Variants in MAP4K4 observed in about 807,000 individuals in gnomAD.
MAP4K4 encodes HPK/GCK-like kinase HGK.
MAP4K4 carries 38 observed loss-of-function variants against 189.6 expected under a neutral mutation model. The ratio of observed to expected loss-of-function variants is 0.20; its 90% CI spans 0.15 to 0.26. The LOEUF is 0.26. Ranked by LOEUF, MAP4K4 falls within the 10% of genes least tolerant of loss-of-function variation. The probability of loss-of-function intolerance (pLI) is 1.00; values close to 1 mark genes in which losing one functional copy is unlikely to be tolerated. For missense variants in MAP4K4, 1,054 were observed against 1,726.9 expected (o/e 0.61, Z 6.91); for synonymous variants, 610 against 624.3 (o/e 0.98, Z 0.34).
intron 3 of MAP4K4, among the ~76,000 whole-genome samples, chr2:101,811,250 AGTCCCAGCTACTCGG>A (rs1248843546): frequency 6.6e-6 from 1 of 151,246 alleles, no homozygotes; most frequent in African/African-American, 2.4e-5. Flanking sequence ...GGGTGCCTGT[AGTCCCAGCTACTCGG>A]GAAGCTGAGG....
chr2:101,885,710 TCTG>T (rs2150284269), intron 29 of MAP4K4, among the ~76,000 whole-genome samples: 1 of 152,334 alleles, frequency 6.6e-6, no homozygotes, highest in African/African-American at 2.4e-5. Context: ...TTACAGAAAT[TCTG>T]ATGACAACAT....
intron 3 of MAP4K4, among the ~76,000 whole-genome samples, chr2:101,814,438 G>A (rs923949774): frequency 2.0e-5 from 3 of 152,176 alleles, no homozygotes; most frequent in Non-Finnish European, 2.9e-5. Flanking sequence ...ACTTCTCCAG[G>A]CATGTGAGCT....
chr2:101,730,137 G>A (rs763697266), intron 2 of MAP4K4, among the ~76,000 whole-genome samples: 23 of 152,140 alleles, frequency 1.5e-4, no homozygotes, highest in Non-Finnish European at 2.9e-4. Flanking sequence ...ATTCTGCTTC[G>A]TTCATGTACT....
At position 101,787,830 on chromosome 2, in the gene MAP4K4, G is replaced by A. The variant is rs185991061; in HGVS notation, c.124-2890G>A. Among the ~76,000 whole-genome samples the A allele has an allele frequency of 6.1e-3, 838 of 138,508 alleles. 12 individuals are homozygous for A. Among genetic ancestry groups the A allele is most frequent in the Admixed American group, 0.016 (219 of 13,470 alleles). 90.9% of individuals were successfully genotyped at this position (138,508 alleles called of 152,430 possible). ...TTTTTTTTTTTTTTTTTGAGACAGA[G>A]TCTCGCTCTGTCACCCAGGCTGGAG... On this transcript the variant is annotated intron_variant, in intron 2 of 32. Transcript: ENST00000324219.
At chr2:101,811,370 CAAA>C (rs71378177) in intron 3 of MAP4K4, among the ~76,000 whole-genome samples, 35 of 68,906 alleles carry the variant, frequency 5.1e-4, no homozygotes, top group Admixed American at 1.7e-3. Flanking sequence ...GACTGCGTCT[CAAA>C]AAAAAAAAAA....
At chr2:101,737,555 T>C (rs1330166330) in intron 2 of MAP4K4, among the ~76,000 whole-genome samples, 1 of 142,478 alleles carries the variant, frequency 7.0e-6, no homozygotes, top group Non-Finnish European at 1.5e-5. Flanking sequence ...CGTATTAATA[T>C]CAGGAAAAGA....
At chr2:101,808,590 A>T (rs1432703090) in intron 3 of MAP4K4, among the ~76,000 whole-genome samples, 1 of 133,832 alleles carries the variant, frequency 7.5e-6, no homozygotes, top group Non-Finnish European at 1.6e-5. Flanking sequence ...GAATTTTATG[A>T]TTTATAAATT....
chr2:101,724,023 C>T (rs1031704936), intron 2 of MAP4K4, among the ~76,000 whole-genome samples: 3 of 152,170 alleles, frequency 2.0e-5, no homozygotes, highest in Non-Finnish European at 4.4e-5. Context: ...TAGTGAAAAC[C>T]TCAATCATGT....
At chr2:101,788,199 T>C (rs2092042440) in intron 2 of MAP4K4, among the ~76,000 whole-genome samples, 1 of 151,766 alleles carries the variant, frequency 6.6e-6, no homozygotes, top group Non-Finnish European at 1.5e-5. Context: ...TGGGCCTACA[T>C]TGACTACATT....
intron 2 of MAP4K4, among the ~76,000 whole-genome samples, chr2:101,703,811 A>C (rs193299571): frequency 6.6e-6 from 1 of 151,900 alleles, no homozygotes; most frequent in African/African-American, 2.4e-5. Context: ...CAGGAGTTCA[A>C]GACCAGCCTG....
At chr2:101,873,878 A>C (rs1158412357) in intron 25 of MAP4K4, 114 bp downstream of exon 25, 1 of 832,794 alleles carries the variant, frequency 1.2e-6, no homozygotes, top group African/African-American at 1.7e-5. Flanking sequence ...TCGGGTACAG[A>C]AACTTCCCAT....
At chr2:101,773,750 C>T (rs185379062) in intron 2 of MAP4K4, among the ~76,000 whole-genome samples, 177 of 152,290 alleles carry the variant, frequency 1.2e-3, no homozygotes, top group Non-Finnish European at 6.2e-4. Context: ...CTTACCTTCC[C>T]AGCCTCTGGT....
chr2:101,773,195 A>G (rs993774268), intron 2 of MAP4K4, among the ~76,000 whole-genome samples: 1 of 152,132 alleles, frequency 6.6e-6, no homozygotes, highest in Non-Finnish European at 1.5e-5. Flanking sequence ...TGTTTTCCCA[A>G]CTCAAGACCC....
intron 2 of MAP4K4, among the ~76,000 whole-genome samples, chr2:101,717,264 G>A (rs919262112): frequency 2.0e-5 from 3 of 152,176 alleles, no homozygotes; most frequent in Non-Finnish European, 4.4e-5. Context: ...TCAGCGTGCG[G>A]CCTTCTCATT....
intron 2 of MAP4K4, among the ~76,000 whole-genome samples, chr2:101,738,579 C>T (rs1198151141): frequency 6.6e-6 from 1 of 152,058 alleles, no homozygotes; most frequent in African/African-American, 2.4e-5. Flanking sequence ...TAGTGATCTG[C>T]AGAAGGTTTT....
In MAP4K4 at chr2:101,836,480, C is replaced by CG. The variant is rs572171681; in HGVS notation, c.773+505dup. On this transcript the variant is annotated intron_variant, in intron 9 of 32. Transcript: ENST00000324219. ...GCACATGCCTCTAATCCCAGCTACT[C>CG]GGGAGGCTGAGGCAGGAGAATCGCT... Among the ~76,000 whole-genome samples, 1,085 of 151,876 alleles carry CG rather than the reference C, an allele frequency of 7.1e-3. 10 individuals are homozygous for CG. The highest frequency in any genetic ancestry group is 0.011 in the Non-Finnish European group (752 of 67,950).
chr2:101,834,456 T>G, exon 8 of MAP4K4: 1 of 1,608,690 alleles, frequency 6.2e-7, no homozygotes, highest in Non-Finnish European at 8.5e-7. Context: ...TGGCAGAAGG[T>G]GCTCCCCGTA....
At chr2:101,725,776 TG>T (rs1333314667) in intron 2 of MAP4K4, among the ~76,000 whole-genome samples, 9 of 152,216 alleles carry the variant, frequency 5.9e-5, no homozygotes, top group Admixed American at 5.9e-4. Flanking sequence ...CATGTGTGGC[TG>T]GTGACTTGAG....
chr2:101,697,971 C>A (rs1457740737), exon 1 of MAP4K4: 19 of 624,306 alleles, frequency 3.0e-5, no homozygotes, highest in Non-Finnish European at 4.4e-5. Context: ...AGTACCGGGC[C>A]GGCTCGGCTG....
Sources: allele counts gnomAD v4.1 joint callset (sites outside exome capture counted in the v4.1 genomes callset), GRCh38; gene constraint gnomAD v4.1.1; transcripts MANE v1.5; gene names NCBI Gene and HGNC (gene_info 2026-07-23, HGNC 2026-07-21).